Variants in CPLX1 observed in about 807,000 individuals in gnomAD.
CPLX1 encodes the protein complexin 1.
In CPLX1, 6 loss-of-function variants were observed where a neutral mutation model predicts 15.6. That is an observed-to-expected ratio of 0.39 (90% confidence interval 0.21 to 0.76). CPLX1 has a LOEUF of 0.76. Ranked by LOEUF, CPLX1 falls within the 30% of genes least tolerant of loss-of-function variation. CPLX1 has a pLI of 0.43. For synonymous variants in CPLX1, 91 were observed against 75.2 expected, an observed-to-expected ratio of 1.21 and a Z score of -1.08; for missense variants, 242 against 188.6, an observed-to-expected ratio of 1.28 and a Z score of -1.66.
In CPLX1 at chr4:786,910, G is replaced by T. The variant is rs1462999170; in HGVS notation, c.208-212C>A. The T allele has an allele frequency of 6.1e-6, 6 of 980,802 alleles. No homozygotes were observed. The African/African-American group carries it at 1.0e-4, about 17-fold the overall frequency. 60.8% of individuals were successfully genotyped at this position (980,802 alleles called of 1,614,324 possible). ...CCCCCACGGAGAATGGGGGCCAGGA[G>T]CTGACATGGGGGGGAGCAGGGAGGG... On this transcript the variant is annotated intron_variant, in intron 3 of 3. Transcript: ENST00000304062.
chr4:795,147 G>T (rs780495247), intron 2 of CPLX1, among the ~76,000 whole-genome samples: 1 of 152,250 alleles, frequency 6.6e-6, no homozygotes, highest in African/African-American at 2.4e-5. Context: ...TTTCGGCCCG[G>T]GTACTGCAGG....
chr4:824,193 C>T (rs748870775), intron 2 of CPLX1, among the ~76,000 whole-genome samples: 15 of 152,208 alleles, frequency 9.9e-5, no homozygotes, highest in Non-Finnish European at 2.2e-4. Context: ...TCCCCCAGGA[C>T]GTGCATCAGC....
At chr4:804,723 C>T (rs17165026) in intron 2 of CPLX1, 99,656 of 984,656 alleles carry the variant, frequency 0.1, 5,372 homozygotes, top group East Asian at 0.18. Context: ...AGAGGAGACT[C>T]AACCCAAGTG....
At chr4:822,112 T>TGTCTCTGTCTCTCC (rs1201580786) in intron 2 of CPLX1, among the ~76,000 whole-genome samples, 3 of 100,914 alleles carry the variant, frequency 3.0e-5, no homozygotes, top group African/African-American at 6.7e-5. Flanking sequence ...TCTCTCCCTC[T>TGTCTCTGTCTCTCC]GTCTCTGTCT....
In CPLX1 at chr4:798,588, G is replaced by C. The variant is rs1184424345; in HGVS notation, c.32-5980C>G. ...TTAAAAACATTTTTTGTAGAGACAA[G>C]GTCTCACTATGTTGCCCAGGTTGGT... On this transcript the variant is annotated intron_variant, in intron 2 of 3. Coordinates refer to ENST00000304062, the MANE Select transcript of CPLX1 (RefSeq NM_006651.4). 2.6e-5 allele frequency among the ~76,000 whole-genome samples: 4 copies of C among 152,174 alleles called. No individual in the cohort carries two copies. In the East Asian group the frequency reaches 7.7e-4, roughly 29 times the overall value.
At chr4:798,029 C>CT (rs1746378407) in intron 2 of CPLX1, among the ~76,000 whole-genome samples, 1 of 152,140 alleles carries the variant, frequency 6.6e-6, no homozygotes, top group South Asian at 2.1e-4. Flanking sequence ...AATTCCAGTA[C>CT]TTTGGGAGGC....
Position 817,165 on chromosome 4 carries a change from C to T in CPLX1, c.31+7327G>A, listed in dbSNP as rs79731053. On this transcript the variant is annotated intron_variant, in intron 2 of 3. Transcript: ENST00000304062. ...CAATTAGATAAAAAATGAAATCCAA[C>T]TACATGTATTTCTGAATGGCAACCC... Among the ~76,000 whole-genome samples, 11 of 150,988 alleles carry T rather than the reference C, an allele frequency of 7.3e-5. No homozygotes were observed. In the East Asian group the frequency reaches 1.9e-3, roughly 27 times the overall value.
At chr4:816,213 A>ATTTT (rs34183163) in intron 2 of CPLX1, among the ~76,000 whole-genome samples, 26 of 115,040 alleles carry the variant, frequency 2.3e-4, no homozygotes, top group African/African-American at 5.1e-4. Context: ...TCTCCGTGAA[A>ATTTT]TTTTTTTTTT....
chr4:806,801 G>C (rs1455961871), intron 2 of CPLX1, among the ~76,000 whole-genome samples: 1 of 152,204 alleles, frequency 6.6e-6, no homozygotes, highest in Admixed American at 6.5e-5. Context: ...TCAGTATGGT[G>C]ATTAAGATTA....
chr4:793,746 T>A (rs529475791), intron 2 of CPLX1, among the ~76,000 whole-genome samples: 2 of 152,244 alleles, frequency 1.3e-5, no homozygotes, highest in South Asian at 4.1e-4. Context: ...CCCGGCCCCC[T>A]CTCGAGGTGC....
chr4:804,402 G>C (rs1042594704), intron 2 of CPLX1, among the ~76,000 whole-genome samples: 7 of 152,140 alleles, frequency 4.6e-5, no homozygotes, highest in African/African-American at 1.7e-4. Context: ...CTAGAAACAG[G>C]AACAGGAATG....
At position 787,457 on chromosome 4, in the gene CPLX1, T is replaced by TTGA. The variant is rs574454826; in HGVS notation, c.208-762_208-760dup. 6.4e-4 allele frequency: 577 copies of TTGA among 900,196 alleles called. 2 individuals are homozygous for TTGA. In the African/African-American group the frequency reaches 9.9e-3, roughly 15 times the overall value. The allele number at this position is 900,196 out of a possible 1,614,324, so 55.8% of individuals were successfully genotyped here. On this transcript the variant is annotated intron_variant, in intron 3 of 3. Coordinates refer to ENST00000304062, the MANE Select transcript of CPLX1 (RefSeq NM_006651.4). ...GATCTCATTCGGAAACAGGTCTTTG[T>TTGA]TGATCTCATAATGGTAAGGATGGGG...
chr4:802,165 A>C (rs759046589), intron 2 of CPLX1, among the ~76,000 whole-genome samples: 2 of 152,252 alleles, frequency 1.3e-5, no homozygotes, highest in Non-Finnish European at 2.9e-5. Flanking sequence ...ATGTCCATCA[A>C]CAGGTGAATA....
In CPLX1 at chr4:817,875, A is replaced by C. The variant is rs115084282; in HGVS notation, c.31+6617T>G. Among the ~76,000 whole-genome samples, 1,319 of 152,254 alleles carry C rather than the reference A, an allele frequency of 8.7e-3. 14 individuals carry two copies. Among genetic ancestry groups the C allele is most frequent in the African/African-American group, 0.03 (1,258 of 41,560 alleles). ...AGCCGTGAGGGGAGGTCCTGTGGGC[A>C]CGCTGGACATAGTATCTCAGAATAT... On this transcript the variant is annotated intron_variant, in intron 2 of 3. Transcript: ENST00000304062.
chr4:825,789 G>GA (rs1254351007), intron 1 of CPLX1, among the ~76,000 whole-genome samples: 5 of 148,932 alleles, frequency 3.4e-5, no homozygotes, highest in African/African-American at 4.9e-5. Context: ...CGGGGTCGGG[G>GA]GGAGAAACGG....
At chr4:792,801 C>T in intron 2 of CPLX1, 193 bp from the exon 3 acceptor site, 1 of 601,130 alleles carries the variant, frequency 1.7e-6, no homozygotes, top group South Asian at 2.1e-5. Flanking sequence ...CGGGACCCTC[C>T]ATCCAGTGTG....
rs1644139055 is a variant in CPLX1, at chr4:792,790, C to CT, written c.32-183_32-182insA. On this transcript the variant is annotated intron_variant, in intron 2 of 3. Coordinates refer to ENST00000304062, the MANE Select transcript of CPLX1 (RefSeq NM_006651.4). Reference sequence around the variant, plus strand: ...CTCCATCTGGCCCTGACCCTCCTGCCCGGGACCCTCCATCCAGTGTGCTGG... The same window carrying CT: ...CTCCATCTGGCCCTGACCCTCCTGCCTCGGGACCCTCCATCCAGTGTGCTGG... 31 of 625,838 alleles carry CT rather than the reference C, an allele frequency of 5.0e-5. No individual in the cohort carries two copies. In the East Asian group the frequency reaches 9.1e-4, roughly 18 times the overall value. The allele number at this position is 625,838 out of a possible 1,614,324, so 38.8% of individuals were successfully genotyped here. A position where few individuals can be genotyped will look rare whatever the true frequency, so the allele number is the denominator to read the frequency against.
chr4:797,656 G>C (rs1056053176), intron 2 of CPLX1, among the ~76,000 whole-genome samples: 1 of 151,086 alleles, frequency 6.6e-6, no homozygotes, highest in Non-Finnish European at 1.5e-5. Context: ...ACTGTAGGCC[G>C]GGCGCGGTGG....
At chr4:788,131 C>T in intron 3 of CPLX1, 1 of 985,254 alleles carries the variant, frequency 1.0e-6, no homozygotes, top group East Asian at 1.1e-4. Flanking sequence ...CCAGGAGGAG[C>T]CCCTCCCCTG....
Sources: allele counts gnomAD v4.1 joint callset (sites outside exome capture counted in the v4.1 genomes callset), GRCh38; gene constraint gnomAD v4.1.1; transcripts MANE v1.5; gene names NCBI Gene and HGNC (gene_info 2026-07-23, HGNC 2026-07-21).